The following MRPS2 variants were observed in gnomAD, a reference collection of about 807,000 sequenced individuals.
MRPS2 encodes the protein small ribosomal subunit protein uS2m.
MRPS2 carries 13 observed loss-of-function variants against 18.9 expected under a neutral mutation model. The observed-to-expected ratio is 0.69, with a 90% CI of 0.45 to 1.09. The LOEUF (loss-of-function observed/expected upper bound fraction) is 1.09, where lower values mean the gene tolerates loss of function less well. MRPS2 is among the 50% of genes least tolerant of loss of function. MRPS2 has a pLI of 0.00. For missense variants in MRPS2, 389 were observed against 421.7 expected (o/e 0.92, Z 0.68); for synonymous variants, 186 against 178.4 (o/e 1.04, Z -0.34).
rs756980871 is a variant in MRPS2 at position 135,501,123 on chromosome 9, G to A, written c.169G>A (p.Asp57Asn). Residue 57 changes from aspartate (D) to asparagine (N), a missense_variant and splice_region_variant, in exon 2 of 4, where the codon GAT becomes AAT. By Grantham distance (23) the Asp-to-Asn change is conservative. Coordinates refer to ENST00000241600, the MANE Select transcript of MRPS2 (RefSeq NM_016034.5). ...GATCCGCGAGTCGGAGGACAGCACC[G>A]GTAACACTGGGCGCCCAGCCGAGTT... is the stretch of plus-strand genomic sequence containing the variant. ...LMIRESEDSTDFNDKILNEPL... is the reference protein window; with the variant it reads ...LMIRESEDSTNFNDKILNEPL... The A allele has an allele frequency of 1.3e-6, 2 of 1,586,940 alleles. No homozygotes were observed. The highest frequency in any genetic ancestry group is 1.7e-6 in the Non-Finnish European group (2 of 1,169,808).
intron 1 of MRPS2, 67 bp from the exon 2 acceptor site, chr9:135,500,931 A>G (rs1831099133): frequency 6.3e-7 from 1 of 1,597,834 alleles, no homozygotes; most frequent in Non-Finnish European, 8.6e-7. Flanking sequence ...CCCGTTGGGG[A>G]TGCGGTGGGG....
Position 135,503,732 on chromosome 9 carries a change from G to C in MRPS2, c.490G>C (p.Glu164Gln), listed in dbSNP as rs754750531. 8.7e-6 allele frequency: 14 copies of C among 1,613,276 alleles called. No homozygotes were observed. Among genetic ancestry groups the C allele is most frequent in the Non-Finnish European group, 1.2e-5 (14 of 1,180,028 alleles). Residue 164 changes from glutamate to glutamine, a missense_variant, in exon 4 of 4, where the codon GAG becomes CAG. Glu to Gln is a conservative substitution (Grantham distance 29, BLOSUM62 2). Transcript: ENST00000241600. The part of the protein sequence containing the change: ...LIENMARDCG[E>Q]YAHTRYFRGG... ...TGAGAACATGGCCCGTGACTGTGGCGAGTACGCCCACACTCGCTACTTCAG... is the reference window on the plus strand; with the variant it reads ...TGAGAACATGGCCCGTGACTGTGGCCAGTACGCCCACACTCGCTACTTCAG...
At chr9:135,500,947 G>C (rs765613782) in intron 1 of MRPS2, 51 bp from the exon 2 acceptor site, 1 of 1,604,280 alleles carries the variant, frequency 6.2e-7, no homozygotes, top group Non-Finnish European at 8.5e-7. Context: ...TGGGGAGCGG[G>C]CGTGGTGCAT....
At chr9:135,502,368 G>A (rs1329869465) in intron 3 of MRPS2, 1 of 243,718 alleles carries the variant, frequency 4.1e-6, no homozygotes, top group Non-Finnish European at 7.1e-6. Context: ...GGGGGGAGGG[G>A]ATGGGAGGGG....
At chr9:135,503,220 G>A in intron 3 of MRPS2, 3 of 1,167,686 alleles carry the variant, frequency 2.6e-6, no homozygotes, top group Non-Finnish European at 3.2e-6. Context: ...TGCCCTGTGA[G>A]CTGCACGGGG....
Position 135,502,151 on chromosome 9 carries a change from C to T in MRPS2, c.299+178C>T, listed in dbSNP as rs943409839. The stretch of plus-strand genomic sequence containing the variant: ...AGCAGGAGTTTATTCCTCAGCTTGG[C>T]GGACGCTCTTGTGTGCCTTGGTGTG... On this transcript the variant is annotated intron_variant, in intron 3 of 3. Transcript: ENST00000241600. 5.7e-6 allele frequency: 8 copies of T among 1,406,620 alleles called. No homozygotes were observed. In the Admixed American group the frequency reaches 2.0e-4, roughly 36 times the overall value. The allele number at this position is 1,406,620 out of a possible 1,614,324, so 87.1% of individuals were successfully genotyped here. A position where few individuals can be genotyped will look rare whatever the true frequency, so the allele number is the denominator to read the frequency against.
In MRPS2 at chr9:135,503,745, C is replaced by G. The variant is rs150970984; in HGVS notation, c.503C>G (p.Thr168Ser). Residue 168 changes from threonine (T) to serine (S), a missense_variant, in exon 4 of 4, where the codon ACT (threonine) becomes AGT (serine). Thr to Ser is a moderately conservative substitution (Grantham distance 58, BLOSUM62 1). Transcript: ENST00000241600. ...MARDCGEYAHTRYFRGGMLTN... is the reference protein window; with the variant it reads ...MARDCGEYAHSRYFRGGMLTN... Reference sequence around the variant, plus strand: ...CGTGACTGTGGCGAGTACGCCCACACTCGCTACTTCAGGGGCGGCATGCTG... The same window carrying G: ...CGTGACTGTGGCGAGTACGCCCACAGTCGCTACTTCAGGGGCGGCATGCTG... 7.4e-6 allele frequency: 12 copies of G among 1,613,026 alleles called. No homozygotes were observed. The South Asian group carries it at 1.3e-4, about 18-fold the overall frequency.
chr9:135,503,978 G>A lies in MRPS2; in HGVS notation c.736G>A (p.Val246Met), dbSNP rs763954461. ...VPGNDDSPLAVHLYCRLFQTA... is the reference protein window; with the variant it reads ...VPGNDDSPLAMHLYCRLFQTA... ...CGGCAATGACGACTCTCCGCTGGCT[G>A]TGCACCTCTACTGCAGGCTCTTCCA... Residue 246 changes from valine to methionine, a missense_variant, in exon 4 of 4, where the codon GTG (valine) becomes ATG (methionine). By Grantham distance (21) the Val-to-Met change is conservative (BLOSUM62 1). Coordinates refer to ENST00000241600, the MANE Select transcript of MRPS2 (RefSeq NM_016034.5). 30 of 1,613,722 alleles carry A rather than the reference G, an allele frequency of 1.9e-5. No individual in the cohort carries two copies. The South Asian group carries it at 3.0e-4, about 16-fold the overall frequency.
chr9:135,504,108 G>A lies in MRPS2; in HGVS notation c.866G>A (p.Gly289Glu). 6.2e-7 allele frequency: 1 copy of A among 1,608,974 alleles called. No homozygotes were observed. The highest frequency in any genetic ancestry group is 1.1e-5 in the South Asian group (1 of 90,808). The part of the protein sequence containing the change: ...PGDQGPAHPP[G>E]ADMSHSL The stretch of plus-strand genomic sequence containing the variant: ...GACCAGGGGCCAGCCCACCCTCCTG[G>A]GGCTGACATGAGCCATTCCCTGTGA... The change falls in exon 4 of 4, where the codon GGG (glycine) becomes GAG (glutamate). Residue 289 changes from glycine (G) to glutamate (E), a missense_variant. Coordinates refer to ENST00000241600, the MANE Select transcript of MRPS2 (RefSeq NM_016034.5). The surrounding 1 kb of genome is among the most constrained non-coding windows in gnomAD (Gnocchi z 4.3).
chr9:135,501,312 C>G, intron 2 of MRPS2, 189 bp downstream of exon 2: 1 of 1,415,628 alleles, frequency 7.1e-7, no homozygotes, highest in African/African-American at 1.5e-5. Context: ...AGGCCACCGC[C>G]TCACCATGGA....
chr9:135,502,420 G>A (rs893440855), intron 3 of MRPS2, among the ~76,000 whole-genome samples: 1 of 152,202 alleles, frequency 6.6e-6, no homozygotes, highest in African/African-American at 2.4e-5. Context: ...GGCGTTCAGG[G>A]TGAAGGTGGC....
At chr9:135,502,167 C>T in intron 3 of MRPS2, 194 bp downstream of exon 3, 1 of 1,391,986 alleles carries the variant, frequency 7.2e-7, no homozygotes, top group Non-Finnish European at 9.3e-7. Flanking sequence ...CTCTTGTGTG[C>T]CTTGGTGTGG....
chr9:135,502,282 T>G, intron 3 of MRPS2: 1 of 1,157,786 alleles, frequency 8.6e-7, no homozygotes, highest in Non-Finnish European at 1.1e-6. Flanking sequence ...TCCCCCCGGA[T>G]CGGGCTGGGC....
chr9:135,501,179 G>A, intron 2 of MRPS2, 56 bp downstream of exon 2: 3 of 1,518,482 alleles, frequency 2.0e-6, no homozygotes, highest in Non-Finnish European at 8.8e-7. Flanking sequence ...CGGCAGCCGC[G>A]GGGGATGCGA....
At chr9:135,503,079 G>T in intron 3 of MRPS2, 1 of 995,638 alleles carries the variant, frequency 1.0e-6, no homozygotes, top group Non-Finnish European at 1.2e-6. Context: ...TTTGGATCAG[G>T]GTTCCCCGCC....
Position 135,500,766 on chromosome 9 carries a change from T to C in MRPS2, c.43+13T>C. On this transcript the variant is annotated intron_variant, in intron 1 of 3. Transcript: ENST00000241600. ...ATACTCGGCGCGGGTGAGCGCGCGC[T>C]TGCGGGACCCTGGGGAGGAGCATGC... The C allele has an allele frequency of 1.4e-6, 2 of 1,475,704 alleles. No individual in the cohort carries two copies. The highest frequency in any genetic ancestry group is 1.8e-6 in the Non-Finnish European group (2 of 1,119,866). The allele number at this position is 1,475,704 out of a possible 1,614,324, so 91.4% of individuals were successfully genotyped here. A position where few individuals can be genotyped will look rare whatever the true frequency, so the allele number is the denominator to read the frequency against.
chr9:135,501,184 A>T (rs768783824), intron 2 of MRPS2, 61 bp downstream of exon 2: 18 of 1,513,416 alleles, frequency 1.2e-5, no homozygotes, highest in Non-Finnish European at 1.4e-5. Flanking sequence ...GCCGCGGGGG[A>T]TGCGAACCCT....
At chr9:135,502,065 T>G (rs989214292) in intron 3 of MRPS2, 92 bp downstream of exon 3, 2 of 1,581,060 alleles carry the variant, frequency 1.3e-6, no homozygotes, top group African/African-American at 2.7e-5. Context: ...CTGGCCTATG[T>G]CAGTTTTAGG....
chr9:135,501,003 C>CG lies in MRPS2; in HGVS notation c.52dup (p.Ala18GlyfsTer48), dbSNP rs760328000. 1 of 1,611,696 alleles carries CG rather than the reference C, an allele frequency of 6.2e-7. No homozygotes were observed. The highest frequency in any genetic ancestry group is 1.7e-5 in the Admixed American group (1 of 59,976). Reference sequence around the variant, plus strand: ...CTCTATCTACTTCCCCCCAGGTGCCCGGGCCCCGTCGCGCTGGTTGGGCTT... The same window carrying CG: ...CTCTATCTACTTCCCCCCAGGTGCCCGGGGCCCCGTCGCGCTGGTTGGGCTT... On this transcript the variant is annotated frameshift_variant, in exon 2 of 4. Transcript: ENST00000241600. LOFTEE classifies it high-confidence loss of function.
Sources: allele counts gnomAD v4.1 joint callset (sites outside exome capture counted in the v4.1 genomes callset), GRCh38; gene constraint gnomAD v4.1.1; non-coding constraint Gnocchi (gnomAD v3.1); transcripts MANE v1.5; gene names NCBI Gene and HGNC (gene_info 2026-07-23, HGNC 2026-07-21).